Variants in MYOM1 observed in about 807,000 individuals in gnomAD.
MYOM1 encodes myomesin 1.
A neutral mutation model predicts 205.3 loss-of-function variants in MYOM1; 164 were observed. The ratio of observed to expected loss-of-function variants is 0.80; its 90% CI spans 0.70 to 0.91. MYOM1 has a LOEUF of 0.91. MYOM1 is among the 40% of genes least tolerant of loss of function. The pLI is 0.00. For synonymous variants in MYOM1, 772 were observed against 789.4 expected (o/e 0.98, Z 0.37); for missense variants, 2,011 against 2,127.3 (o/e 0.95, Z 1.08).
At chr18:3,148,539 G>A (rs561972873) in intron 13 of MYOM1, among the ~76,000 whole-genome samples, 2 of 152,132 alleles carry the variant, frequency 1.3e-5, no homozygotes, top group South Asian at 4.2e-4. Flanking sequence ...TGACAAATAC[G>A]TTCATTATTT....
At chr18:3,106,756 G>A (rs771677828) in intron 22 of MYOM1, among the ~76,000 whole-genome samples, 12 of 152,186 alleles carry the variant, frequency 7.9e-5, no homozygotes, top group Non-Finnish European at 1.6e-4. Flanking sequence ...CTGGGAGATG[G>A]AGGCTGTGGT....
rs946060042 is a variant in MYOM1, at chr18:3,209,206, T to C, written c.290+5728A>G. ...CCTAAAGAGAGTCTCAGAAGATTCA[T>C]TGTATGCGCAAAATCTCCACAGACC... On this transcript the variant is annotated intron_variant, in intron 2 of 37. Transcript: ENST00000356443. The surrounding 1 kb of genome is among the most constrained non-coding windows in gnomAD (Gnocchi z 4.0). 1.3e-5 allele frequency among the ~76,000 whole-genome samples: 2 copies of C among 152,174 alleles called. No homozygotes were observed. The highest frequency in any genetic ancestry group is 1.9e-4 in the East Asian group (1 of 5,194).
At position 3,159,607 on chromosome 18, in the gene MYOM1, T is replaced by TA. The variant is rs151302011; in HGVS notation, c.1502-4520_1502-4519insT. Among the ~76,000 whole-genome samples, 1,071 of 152,068 alleles carry TA rather than the reference T, an allele frequency of 7.0e-3. 10 individuals are homozygous for TA. The highest frequency in any genetic ancestry group is 0.024 in the African/African-American group (1,013 of 41,442). On this transcript the variant is annotated intron_variant, in intron 10 of 37. Coordinates refer to ENST00000356443, the MANE Select transcript of MYOM1 (RefSeq NM_003803.4). ...AACAATCGCACTGTCCATCAGCGGG[T>TA]GAACGTATAGGCAAAAGGATGCATA...
At chr18:3,127,305 A>ATATATATATTTTT (rs56880961) in intron 18 of MYOM1, among the ~76,000 whole-genome samples, 72 of 47,564 alleles carry the variant, frequency 1.5e-3, no homozygotes, top group African/African-American at 5.4e-3. Flanking sequence ...ATATATATAT[A>ATATATATATTTTT]TTTTTTTTTT....
chr18:3,193,704 T>A lies in MYOM1; in HGVS notation c.431+114A>T, dbSNP rs921141498. 4 of 1,110,522 alleles carry A rather than the reference T, an allele frequency of 3.6e-6. No homozygotes were observed. In the African/African-American group the frequency reaches 6.3e-5, roughly 17 times the overall value. The allele number at this position is 1,110,522 out of a possible 1,614,324, so 68.8% of individuals were successfully genotyped here. A position where few individuals can be genotyped will look rare whatever the true frequency, so the allele number is the denominator to read the frequency against. The stretch of plus-strand genomic sequence containing the variant: ...TAATCTAACAAGTGCTCAATAAATG[T>A]TAGCTGCTATTTCTATAATCTGTCC... On this transcript the variant is annotated intron_variant, in intron 3 of 37. Transcript: ENST00000356443.
chr18:3,113,272 A>T, intron 21 of MYOM1, among the ~76,000 whole-genome samples: 1 of 147,568 alleles, frequency 6.8e-6, no homozygotes, highest in African/African-American at 2.6e-5. Flanking sequence ...ATGTGTATGT[A>T]TATATATGTG....
chr18:3,126,469 AG>A (rs2143863133), intron 19 of MYOM1, among the ~76,000 whole-genome samples: 1 of 152,268 alleles, frequency 6.6e-6, no homozygotes, highest in Admixed American at 6.5e-5. Context: ...TAAATATTCT[AG>A]GAATTTATTA....
At chr18:3,187,857 CTTTT>C (rs763218658) in intron 4 of MYOM1, among the ~76,000 whole-genome samples, 1 of 124,228 alleles carries the variant, frequency 8.0e-6, no homozygotes. Flanking sequence ...ATTTCTTTTT[CTTTT>C]TTTTTTTTTT....
chr18:3,246,276 T>C, the MYOM1 span: 1 of 152,170 alleles, frequency 6.6e-6, no homozygotes, highest in Non-Finnish European at 1.5e-5. Flanking sequence ...CGCGCAGCCG[T>C]CTGGGGTTTG....
chr18:3,148,629 C>T (rs1429157609), intron 13 of MYOM1, among the ~76,000 whole-genome samples: 2 of 151,872 alleles, frequency 1.3e-5, no homozygotes, highest in Non-Finnish European at 2.9e-5. Flanking sequence ...GGGCGGATCA[C>T]GAGGTCAGGA....
rs369479850 is a variant in MYOM1 at position 3,112,376 on chromosome 18, G to A, written c.3340C>T (p.Arg1114Cys). 2.2e-5 allele frequency: 36 copies of A among 1,611,190 alleles called. No homozygotes were observed. The highest frequency in any genetic ancestry group is 2.8e-5 in the Non-Finnish European group (33 of 1,178,058). The change falls in exon 22 of 38, where the codon CGT (arginine) becomes TGT (cysteine). Residue 1114 changes from arginine (R) to cysteine (C), a missense_variant. Arg to Cys is a radical substitution (Grantham distance 180). Coordinates refer to ENST00000356443, the MANE Select transcript of MYOM1 (RefSeq NM_003803.4). ...CCCGCCTGGTTTATGGCTCGAACAC[G>A]GAACACGTAGCTGACGCCCTCCTTG... is the stretch of plus-strand genomic sequence containing the variant. ...GLKEGVSYVFRVRAINQAGVG... is the reference protein window; with the variant it reads ...GLKEGVSYVFCVRAINQAGVG...
intron 10 of MYOM1, among the ~76,000 whole-genome samples, chr18:3,162,386 C>T (rs2080404003): frequency 1.3e-5 from 2 of 152,104 alleles, no homozygotes. Flanking sequence ...ATTATTTGAA[C>T]TAGCCAATCC....
Position 3,151,683 on chromosome 18 carries a change from A to T in MYOM1, c.1843+11T>A, listed in dbSNP as rs770213946. ...GTTTAGGGAAGGTCCTGAAAAATGA[A>T]AAGTGCTTACTTTTAAGTCTAGCTT... On this transcript the variant is annotated intron_variant, in intron 12 of 37. Coordinates refer to ENST00000356443, the MANE Select transcript of MYOM1 (RefSeq NM_003803.4). The T allele has an allele frequency of 6.7e-5, 107 of 1,605,170 alleles. No individual in the cohort carries two copies. Among genetic ancestry groups the T allele is most frequent in the Middle Eastern group, 1.7e-4 (1 of 6,004 alleles).
intron 10 of MYOM1, 120 bp downstream of exon 10, chr18:3,164,158 G>A: frequency 8.6e-7 from 1 of 1,158,918 alleles, no homozygotes; most frequent in East Asian, 2.6e-5. Context: ...CACCCTGCCA[G>A]AATTTTGAAA....
intron 16 of MYOM1, among the ~76,000 whole-genome samples, chr18:3,134,088 GGGCTCAAGCAGGTCTCAAACTCC>G (rs2079916240): frequency 2.1e-5 from 1 of 47,608 alleles, no homozygotes; most frequent in African/African-American, 1.1e-4. Flanking sequence ...TCAAACTCCT[GGGCTCAAGCAGGTCTCAAACTCC>G]TGGGCTCAAG....
chr18:3,188,908 G>A lies in MYOM1; in HGVS notation c.611C>T (p.Ala204Val), dbSNP rs375742037. The A allele has an allele frequency of 6.2e-7, 1 of 1,609,502 alleles. No individual in the cohort carries two copies. The highest frequency in any genetic ancestry group is 1.3e-5 in the African/African-American group (1 of 74,362). The change falls in exon 4 of 38, where the codon GCA (alanine) becomes GTA (valine). Residue 204 changes from alanine to valine, a missense_variant. Ala to Val is a moderately conservative substitution (Grantham distance 64). Coordinates refer to ENST00000356443, the MANE Select transcript of MYOM1 (RefSeq NM_003803.4). ...CCTGGATGCCGTGGACTGCTTGGAT[G>A]CTGTGGACTGCTTGGATGCCGTGGA... is the stretch of plus-strand genomic sequence containing the variant. ...KQSTASKQST[A>V]SKQSTASRQS...
At position 3,135,853 on chromosome 18, in the gene MYOM1, G is replaced by A. The variant is rs1297562508; in HGVS notation, c.2026-123C>T. 5.0e-6 allele frequency: 5 copies of A among 1,005,100 alleles called. No individual in the cohort carries two copies. The highest frequency in any genetic ancestry group is 7.3e-6 in the Non-Finnish European group (5 of 689,462). The allele number at this position is 1,005,100 out of a possible 1,614,324, so 62.3% of individuals were successfully genotyped here. A position where few individuals can be genotyped will look rare whatever the true frequency, so the allele number is the denominator to read the frequency against. The stretch of plus-strand genomic sequence containing the variant: ...TCCCTGTAATGCAAGCTGGACTGGA[G>A]GAGAGATGAGGAGGAAATAGGGGAT... On this transcript the variant is annotated intron_variant, in intron 14 of 37. Coordinates refer to ENST00000356443, the MANE Select transcript of MYOM1 (RefSeq NM_003803.4). This position sits in a 1 kb window ranked among gnomAD's most constrained non-coding sequence, Gnocchi z 4.1.
Position 3,214,696 on chromosome 18 carries a change from G to A in MYOM1, c.290+238C>T, listed in dbSNP as rs549076620. ...ACATGAGCCGGGCGTGGTGGTGCAC[G>A]CCTGTAATCCCAGCTACTCGGGAGG... On this transcript the variant is annotated intron_variant, in intron 2 of 37. Coordinates refer to ENST00000356443, the MANE Select transcript of MYOM1 (RefSeq NM_003803.4). Among the ~76,000 whole-genome samples the A allele has an allele frequency of 2.6e-5, 4 of 152,266 alleles. No homozygotes were observed. In the East Asian group the frequency reaches 5.8e-4, roughly 22 times the overall value.
chr18:3,169,104 T>A, intron 8 of MYOM1, 123 bp from the exon 9 acceptor site: 1 of 817,384 alleles, frequency 1.2e-6, no homozygotes. Flanking sequence ...GCAAATGATT[T>A]AACTGGGTCA....
Sources: gnomAD v4.1 joint callset for allele counts (sites outside exome capture counted in the v4.1 genomes callset) on GRCh38, gnomAD v4.1.1 for gene constraint, Gnocchi (gnomAD v3.1) non-coding constraint, MANE v1.5 for transcripts, NCBI Gene and HGNC (gene_info 2026-07-23, HGNC 2026-07-21) for gene names.